IL1RAPL1: variants seen among roughly 807,000 people sequenced by gnomAD.
The protein encoded by IL1RAPL1 is interleukin-1 receptor accessory protein-like 1.
Under a neutral mutation model 48.4 loss-of-function variants are expected in IL1RAPL1, and 3 were observed. The ratio of observed to expected loss-of-function variants is 0.06; its 90% confidence interval spans 0.03 to 0.16. The LOEUF (loss-of-function observed/expected upper bound fraction) is 0.16, where lower values mean the gene tolerates loss of function less well. IL1RAPL1 is among the 10% of genes least tolerant of loss of function. The probability of loss-of-function intolerance (pLI) is 1.00; values close to 1 mark genes in which losing one functional copy is unlikely to be tolerated. For synonymous variants in IL1RAPL1, 185 were observed against 187.7 expected, an observed-to-expected ratio of 0.99 and a Z score of 0.12; for missense variants, 349 against 530.6, an observed-to-expected ratio of 0.66 and a Z score of 3.36.
chrX:28,760,955 G>T (rs1013610111), intron 1 of IL1RAPL1, among the ~76,000 whole-genome samples: 1 of 109,152 alleles, frequency 9.2e-6, no homozygotes, highest in African/African-American at 3.3e-5. Context: ...GCATGGTGGC[G>T]TGCGGTTATA....
At chrX:29,868,104 T>G (rs930092328) in intron 6 of IL1RAPL1, among the ~76,000 whole-genome samples, 5 of 112,001 alleles carry the variant, frequency 4.5e-5, no homozygotes, top group African/African-American at 1.6e-4. Context: ...TGACCTACTG[T>G]TTTTCTTTTC....
intron 5 of IL1RAPL1, among the ~76,000 whole-genome samples, chrX:29,624,411 G>A (rs767486561): frequency 1.1e-4 from 12 of 112,476 alleles, no homozygotes; most frequent in African/African-American, 2.9e-4. Context: ...TTTAAACTAC[G>A]TGGCTTTTTA....
At chrX:29,705,347 C>T (rs180950151) in intron 6 of IL1RAPL1, among the ~76,000 whole-genome samples, 57 of 110,674 alleles carry the variant, frequency 5.2e-4, no homozygotes, top group African/African-American at 1.8e-3. Context: ...CCCAAGTAGC[C>T]GGGATTACAG....
chrX:29,550,261 G>T (rs1310119282), intron 5 of IL1RAPL1, among the ~76,000 whole-genome samples: 1 of 109,944 alleles, frequency 9.1e-6, no homozygotes, highest in Non-Finnish European at 1.9e-5. Flanking sequence ...GCGGGATCTC[G>T]GCTCACTGCA....
intron 2 of IL1RAPL1, among the ~76,000 whole-genome samples, chrX:29,115,485 G>T (rs1239873339): frequency 9.0e-6 from 1 of 110,903 alleles, no homozygotes; most frequent in Non-Finnish European, 1.9e-5. Context: ...CAGGAGGATT[G>T]ACCTTTTTAT....
At chrX:29,288,946 C>T (rs1291815475) in intron 3 of IL1RAPL1, among the ~76,000 whole-genome samples, 3 of 112,001 alleles carry the variant, frequency 2.7e-5, no homozygotes, top group Admixed American at 9.5e-5. Context: ...GTTTGTTGGC[C>T]GCTTAAATGT....
At chrX:29,589,950 G>A (rs766665448) in intron 5 of IL1RAPL1, among the ~76,000 whole-genome samples, 2 of 111,112 alleles carry the variant, frequency 1.8e-5, no homozygotes, top group Non-Finnish European at 3.8e-5. Context: ...GAGCGGACAC[G>A]TCACATGGCT....
chrX:29,317,990 A>G (rs2080734271), intron 3 of IL1RAPL1, among the ~76,000 whole-genome samples: 1 of 111,964 alleles, frequency 8.9e-6, no homozygotes, highest in South Asian at 3.7e-4. Context: ...AATGAGAAAA[A>G]TGAGTCTCAA....
chrX:29,506,468 T>TCCTCCTC (rs1215566048), intron 5 of IL1RAPL1, among the ~76,000 whole-genome samples: 3 of 34,900 alleles, frequency 8.6e-5, no homozygotes, highest in Non-Finnish European at 1.7e-4. Context: ...TCCTCCTCCT[T>TCCTCCTC]CTCATTCTTC....
chrX:28,956,191 A>G (rs1041444726), intron 2 of IL1RAPL1, among the ~76,000 whole-genome samples: 2 of 108,189 alleles, frequency 1.8e-5, no homozygotes, highest in Admixed American at 2.0e-4. Flanking sequence ...TAGATATACA[A>G]TCATGTCATC....
At chrX:29,643,762 CT>C (rs911713071) in intron 5 of IL1RAPL1, among the ~76,000 whole-genome samples, 1 of 111,517 alleles carries the variant, frequency 9.0e-6, no homozygotes, top group Admixed American at 9.5e-5. Flanking sequence ...TTTATTCATG[CT>C]GCTCCCTCTT....
At chrX:29,647,347 CAAAAAA>C (rs763429832) in intron 5 of IL1RAPL1, among the ~76,000 whole-genome samples, 15 of 54,576 alleles carry the variant, frequency 2.7e-4, no homozygotes, top group South Asian at 1.1e-3. Context: ...GACTCTGCCT[CAAAAAA>C]AAAAAAAAAA....
intron 6 of IL1RAPL1, among the ~76,000 whole-genome samples, chrX:29,758,580 G>A (rs1019682885): frequency 9.2e-6 from 1 of 108,701 alleles, no homozygotes; most frequent in African/African-American, 3.4e-5. Context: ...CCCATAATCC[G>A]AGCTACTTGG....
At chrX:28,659,217 G>T in intron 1 of IL1RAPL1, 1 of 757,452 alleles carries the variant, frequency 1.3e-6, no homozygotes, top group Non-Finnish European at 2.0e-6. Context: ...GCTGCACTCT[G>T]GAAGCGCAGA....
At chrX:29,760,831 C>T (rs981737888) in intron 6 of IL1RAPL1, among the ~76,000 whole-genome samples, 3 of 111,869 alleles carry the variant, frequency 2.7e-5, no homozygotes, top group Admixed American at 1.9e-4. Flanking sequence ...CTAAGGCACA[C>T]TAATGCATAA....
intron 2 of IL1RAPL1, among the ~76,000 whole-genome samples, chrX:29,045,115 G>T (rs1926926361): frequency 9.0e-6 from 1 of 111,376 alleles, no homozygotes; most frequent in African/African-American, 3.3e-5. Context: ...GAGGTCCAAG[G>T]TACCTTATTT....
intron 3 of IL1RAPL1, among the ~76,000 whole-genome samples, chrX:29,289,070 T>C (rs1343146311): frequency 8.9e-6 from 1 of 112,147 alleles, no homozygotes; most frequent in East Asian, 2.8e-4. Flanking sequence ...TAGACCTTTG[T>C]CAAGTGGACA....
chrX:29,622,992 C>T (rs1054361593), intron 5 of IL1RAPL1, among the ~76,000 whole-genome samples: 1 of 109,251 alleles, frequency 9.2e-6, no homozygotes, highest in African/African-American at 3.3e-5. Flanking sequence ...TTCTTGCAGC[C>T]GGGCGCGGTG....
chrX:29,280,149 G>T (rs908220369), intron 2 of IL1RAPL1, among the ~76,000 whole-genome samples: 4 of 111,690 alleles, frequency 3.6e-5, no homozygotes, highest in African/African-American at 1.3e-4. Flanking sequence ...TACCACCTAG[G>T]ATTCATTTTA....
Sources: allele counts gnomAD v4.1 joint callset (sites outside exome capture counted in the v4.1 genomes callset), GRCh38; gene constraint gnomAD v4.1.1; transcripts MANE v1.5; gene names NCBI Gene and HGNC (gene_info 2026-07-23, HGNC 2026-07-21).